The following KMT2C variants were observed in gnomAD, a reference collection of about 807,000 sequenced individuals.
KMT2C encodes histone-lysine N-methyltransferase 2C.
In KMT2C, 88 loss-of-function variants were observed where a neutral mutation model predicts 507.9. That is an observed-to-expected ratio of 0.17 (90% CI 0.15 to 0.21). The LOEUF (loss-of-function observed/expected upper bound fraction) is 0.21. KMT2C is among the 10% of genes least tolerant of loss of function. The pLI, the probability that KMT2C is intolerant of heterozygous loss-of-function variation, is 1.00. For synonymous variants in KMT2C, 2,049 were observed against 2,080.8 expected (o/e 0.98, Z 0.42); for missense variants, 4,954 against 5,957.8 (o/e 0.83, Z 5.55).
intron 15 of KMT2C, among the ~76,000 whole-genome samples, chr7:152,238,467 T>A (rs2129157524): frequency 6.6e-6 from 1 of 152,402 alleles, no homozygotes; most frequent in Middle Eastern, 3.4e-3. Flanking sequence ...TGTCAAGGAC[T>A]TCTCCCTCAT....
Position 152,358,632 on chromosome 7 carries a change from T to C in KMT2C, c.205A>G (p.Met69Val), listed in dbSNP as rs530632312. The part of the protein sequence containing the change: ...GKTAVEDEDS[M>V]DGLETTETET... ...GTTTCTGTTGTCTCCAGCCCATCCATGCTGTCCTCATCTTCCACTGCAGTT... is the reference window on the plus strand; with the variant it reads ...GTTTCTGTTGTCTCCAGCCCATCCACGCTGTCCTCATCTTCCACTGCAGTT... Residue 69 changes from methionine (M) to valine (V), a missense_variant, in exon 2 of 59, where the codon ATG becomes GTG. Transcript: ENST00000262189. 1.9e-6 allele frequency: 3 copies of C among 1,612,416 alleles called. No individual in the cohort carries two copies. The highest frequency in any genetic ancestry group is 2.2e-5 in the East Asian group (1 of 44,836).
intron 23 of KMT2C, among the ~76,000 whole-genome samples, chr7:152,209,228 G>A (rs556614464): frequency 3.4e-4 from 51 of 151,478 alleles, no homozygotes; most frequent in Middle Eastern, 3.4e-3. Context: ...AGGCCGAGGC[G>A]GGCAGATCAC....
chr7:152,245,385 A>G (rs1238174451), intron 14 of KMT2C, among the ~76,000 whole-genome samples: 1 of 152,188 alleles, frequency 6.6e-6, no homozygotes, highest in African/African-American at 2.4e-5. Flanking sequence ...GCCAGAACTG[A>G]TGTTTTAAGT....
rs937294879 is a variant in KMT2C, at chr7:152,155,832, A to G, written c.11960+78T>C. 4 of 1,373,090 alleles carry G rather than the reference A, an allele frequency of 2.9e-6. No homozygotes were observed. The African/African-American group carries it at 4.5e-5, about 15-fold the overall frequency. 85.1% of individuals were successfully genotyped at this position (1,373,090 alleles called of 1,614,324 possible). ...GTTTTTACATGCTATTCCTAAAGAC[A>G]TTATGCCACATACATACATTTATTT... On this transcript the variant is annotated intron_variant, in intron 46 of 58. Transcript: ENST00000262189.
chr7:152,271,244 A>T (rs2095961407), intron 7 of KMT2C, among the ~76,000 whole-genome samples: 1 of 152,196 alleles, frequency 6.6e-6, no homozygotes, highest in Non-Finnish European at 1.5e-5. Flanking sequence ...AAAAATATTT[A>T]TAAAACATGT....
At chr7:152,310,437 C>T (rs774795022) in intron 5 of KMT2C, among the ~76,000 whole-genome samples, 4 of 152,068 alleles carry the variant, frequency 2.6e-5, no homozygotes, top group Non-Finnish European at 5.9e-5. Context: ...TGGTGGTGCA[C>T]GCCTGTAATT....
At chr7:152,196,066 C>T in intron 27 of KMT2C, 55 bp from the exon 28 acceptor site, 2 of 1,070,704 alleles carry the variant, frequency 1.9e-6, no homozygotes, top group Non-Finnish European at 2.7e-6. Context: ...GATATTAAGC[C>T]ATTTGCTAAA....
chr7:152,376,264 G>A (rs527563847), intron 1 of KMT2C, among the ~76,000 whole-genome samples: 1 of 152,148 alleles, frequency 6.6e-6, no homozygotes, highest in South Asian at 2.1e-4. Context: ...CAACCATATT[G>A]AAATTAGGCC....
intron 6 of KMT2C, among the ~76,000 whole-genome samples, chr7:152,299,324 AAATAAAT>A (rs1440062172): frequency 1.3e-4 from 16 of 120,810 alleles, no homozygotes; most frequent in African/African-American, 5.2e-4. Context: ...CTCAAAAAAT[AAATAAAT>A]AAATAAATAA....
intron 27 of KMT2C, among the ~76,000 whole-genome samples, chr7:152,197,264 C>T (rs181738457): frequency 6.6e-6 from 1 of 152,220 alleles, no homozygotes; most frequent in East Asian, 1.9e-4. Flanking sequence ...AAGGAGGATT[C>T]TACGGGTTTG....
intron 6 of KMT2C, among the ~76,000 whole-genome samples, chr7:152,307,638 GC>G (rs1392930495): frequency 6.6e-6 from 1 of 152,144 alleles, no homozygotes; most frequent in Non-Finnish European, 1.5e-5. Context: ...TCTCCTAAGG[GC>G]TTGTGATTCC....
intron 23 of KMT2C, among the ~76,000 whole-genome samples, chr7:152,214,657 G>A (rs983513313): frequency 1.3e-5 from 2 of 152,188 alleles, no homozygotes; most frequent in Non-Finnish European, 1.5e-5. Context: ...TGACAACATG[G>A]ATGAACCGGG....
At chr7:152,266,952 T>C (rs2095868324) in intron 7 of KMT2C, among the ~76,000 whole-genome samples, 1 of 152,044 alleles carries the variant, frequency 6.6e-6, no homozygotes, top group African/African-American at 2.4e-5. Context: ...TTTTTAGTCT[T>C]TGGCTTTTTG....
At chr7:152,237,828 A>G (rs894827290) in intron 15 of KMT2C, among the ~76,000 whole-genome samples, 9 of 152,176 alleles carry the variant, frequency 5.9e-5, no homozygotes, top group African/African-American at 2.2e-4. Flanking sequence ...AATTGGTATA[A>G]AAGATTTTTG....
chr7:152,143,855 T>G (rs376586558), intron 55 of KMT2C, among the ~76,000 whole-genome samples: 7 of 152,004 alleles, frequency 4.6e-5, no homozygotes, highest in African/African-American at 1.5e-4. Context: ...GCTGATCCAG[T>G]TTATAGGGTA....
intron 26 of KMT2C, among the ~76,000 whole-genome samples, chr7:152,200,724 T>A (rs1251493206): frequency 6.6e-6 from 1 of 151,918 alleles, no homozygotes; most frequent in Admixed American, 6.6e-5. Flanking sequence ...AGTGAGGCTG[T>A]CTCAAAAAAA....
At chr7:152,367,519 G>T in intron 1 of KMT2C, 1 of 1,101,244 alleles carries the variant, frequency 9.1e-7, no homozygotes, top group Non-Finnish European at 1.4e-6. Flanking sequence ...TACCCAGAGA[G>T]GCGAACCTGG....
intron 39 of KMT2C, among the ~76,000 whole-genome samples, chr7:152,173,279 C>T (rs943958894): frequency 5.3e-5 from 8 of 152,006 alleles, no homozygotes; most frequent in African/African-American, 1.9e-4. Flanking sequence ...TATAATCATC[C>T]ACATTTTTTA....
intron 6 of KMT2C, among the ~76,000 whole-genome samples, chr7:152,308,732 C>T (rs1383325144): frequency 7.3e-6 from 1 of 136,578 alleles, no homozygotes; most frequent in Non-Finnish European, 1.6e-5. Flanking sequence ...CACAACTAAA[C>T]TCCCAGCACT....
Sources: gnomAD v4.1 joint callset for allele counts (sites outside exome capture counted in the v4.1 genomes callset) on GRCh38, gnomAD v4.1.1 for gene constraint, MANE v1.5 for transcripts, NCBI Gene and HGNC (gene_info 2026-07-23, HGNC 2026-07-21) for gene names.